CUX1: variants seen among roughly 807,000 people sequenced by gnomAD.
CUX1 encodes cut like homeobox 1.
In CUX1, 31 loss-of-function variants were observed where a neutral mutation model predicts 158.8. The observed-to-expected ratio is 0.20, with a 90% CI of 0.15 to 0.26. The LOEUF is 0.26. CUX1 is among the 10% of genes least tolerant of loss of function. The pLI, the probability that CUX1 is intolerant of heterozygous loss-of-function variation, is 1.00. For missense variants in CUX1, 1,589 were observed against 2,014.6 expected (o/e 0.79, Z 4.04); for synonymous variants, 879 against 862.1 (o/e 1.02, Z -0.34).
chr7:102,014,203 G>A (rs903667664), intron 2 of CUX1, among the ~76,000 whole-genome samples: 10 of 152,056 alleles, frequency 6.6e-5, no homozygotes, highest in Non-Finnish European at 4.4e-5. Flanking sequence ...CCTTCGAAGC[G>A]GGTTGCTGTT....
intron 2 of CUX1, among the ~76,000 whole-genome samples, chr7:101,927,193 A>T (rs1180207568): frequency 6.6e-6 from 1 of 151,728 alleles, no homozygotes; most frequent in African/African-American, 2.4e-5. Context: ...CTTTAGTGCA[A>T]ATTTTGAAAT....
intron 2 of CUX1, among the ~76,000 whole-genome samples, chr7:101,999,217 CTTTTTT>C (rs3988167): frequency 5.2e-4 from 45 of 85,840 alleles, no homozygotes; most frequent in Admixed American, 2.1e-3. Flanking sequence ...TTTTTTTTAC[CTTTTTT>C]TTTTTTTTTT....
At chr7:102,184,621 G>A (rs10251137) in intron 11 of CUX1, among the ~76,000 whole-genome samples, 4 of 152,164 alleles carry the variant, frequency 2.6e-5, no homozygotes, top group African/African-American at 7.2e-5. Context: ...TAAAGCCCAC[G>A]TGTGTTCCTT....
intron 4 of CUX1, among the ~76,000 whole-genome samples, chr7:102,090,521 G>A (rs533911625): frequency 6.6e-6 from 1 of 152,056 alleles, no homozygotes; most frequent in East Asian, 1.9e-4. Flanking sequence ...CCGAGTAGCT[G>A]GGACTACAGG....
At chr7:101,982,466 G>A (rs969877097) in intron 2 of CUX1, among the ~76,000 whole-genome samples, 13 of 150,936 alleles carry the variant, frequency 8.6e-5, no homozygotes, top group African/African-American at 1.2e-4. Flanking sequence ...TTGCTCTGTC[G>A]CCCAGGCTGG....
intron 8 of CUX1, among the ~76,000 whole-genome samples, chr7:102,130,716 A>G (rs1833120015): frequency 6.6e-6 from 1 of 152,154 alleles, no homozygotes; most frequent in Non-Finnish European, 1.5e-5. Flanking sequence ...AATCCTTGCT[A>G]TCCAAATAGC....
intron 1 of CUX1, among the ~76,000 whole-genome samples, chr7:101,908,461 T>C (rs1318156237): frequency 2.8e-5 from 4 of 144,774 alleles, no homozygotes; most frequent in African/African-American, 1.1e-4. Flanking sequence ...TTTGTTTGTT[T>C]GTTTGTTTGT....
At chr7:102,046,274 C>A (rs192489460) in intron 3 of CUX1, among the ~76,000 whole-genome samples, 12 of 152,300 alleles carry the variant, frequency 7.9e-5, no homozygotes, top group African/African-American at 2.9e-4. Context: ...GCTTTGTCAC[C>A]CAGGCTGGAG....
chr7:102,006,363 A>G (rs1359450218), intron 2 of CUX1, among the ~76,000 whole-genome samples: 1 of 151,990 alleles, frequency 6.6e-6, no homozygotes, highest in African/African-American at 2.4e-5. Flanking sequence ...GCCAGTTTTT[A>G]TCTCATCTCG....
chr7:102,168,665 A>C (rs1791323923), intron 9 of CUX1, among the ~76,000 whole-genome samples: 1 of 150,584 alleles, frequency 6.6e-6, no homozygotes, highest in Non-Finnish European at 1.5e-5. Context: ...AAAAAAAAAA[A>C]TCCTAATTTG....
chr7:102,000,216 C>A (rs1215316232), intron 2 of CUX1, among the ~76,000 whole-genome samples: 1 of 146,410 alleles, frequency 6.8e-6, no homozygotes. Flanking sequence ...AACTCTATCT[C>A]AAAAAAAAAA....
chr7:102,236,412 C>T (rs76322443), intron 22 of CUX1, among the ~76,000 whole-genome samples: 2,943 of 152,326 alleles, frequency 0.019, 111 homozygotes, highest in African/African-American at 0.067. Context: ...CCACATTGCC[C>T]CCCTAAAAGT....
intron 1 of CUX1, among the ~76,000 whole-genome samples, chr7:101,821,848 T>G (rs545845873): frequency 3.6e-3 from 423 of 116,212 alleles, no homozygotes; most frequent in Non-Finnish European, 6.4e-3. Flanking sequence ...CTAGTTTTTT[T>G]GTTTTTTTGT....
chr7:102,231,426 C>G (rs1201897701), intron 21 of CUX1, among the ~76,000 whole-genome samples: 1 of 151,860 alleles, frequency 6.6e-6, no homozygotes, highest in Non-Finnish European at 1.5e-5. Flanking sequence ...ACCATCATTG[C>G]TGGAGTTTTC....
At chr7:102,103,434 TCA>T (rs10570496) in intron 5 of CUX1, among the ~76,000 whole-genome samples, 40,483 of 104,956 alleles carry the variant, frequency 0.39, 5,653 homozygotes, top group Middle Eastern at 0.45. Flanking sequence ...TCTCTCTCTC[TCA>T]CTCACTCACT....
At chr7:101,838,031 G>A (rs1794822309) in intron 1 of CUX1, among the ~76,000 whole-genome samples, 1 of 151,478 alleles carries the variant, frequency 6.6e-6, no homozygotes, top group Non-Finnish European at 1.5e-5. Context: ...ATGCAAACTT[G>A]TAAAATATGT....
chr7:102,184,939 C>A (rs1160653087), intron 11 of CUX1, among the ~76,000 whole-genome samples: 1 of 152,194 alleles, frequency 6.6e-6, no homozygotes, highest in Non-Finnish European at 1.5e-5. Context: ...ACTCACTGCA[C>A]CCAGCCAGAC....
rs1554520030 is a variant in CUX1 at position 102,202,128 on chromosome 7, A to G, written c.2831A>G (p.Asp944Gly). The G allele has an allele frequency of 1.2e-6, 2 of 1,614,118 alleles. No individual in the cohort carries two copies. Among genetic ancestry groups the G allele is most frequent in the Middle Eastern group, 1.7e-4 (1 of 6,060 alleles). ...QYEVYMYQEV[D>G]TIELTRQVKE... ...GAGGTCTACATGTACCAGGAGGTGGACACCATCGAGCTCACCCGGCAGGTT... is the reference window on the plus strand; with the variant it reads ...GAGGTCTACATGTACCAGGAGGTGGGCACCATCGAGCTCACCCGGCAGGTT... Residue 944 changes from aspartate to glycine, a missense_variant, in exon 18 of 24, where the codon GAC (aspartate) becomes GGC (glycine). By Grantham distance (94) the Asp-to-Gly change is moderately conservative. Coordinates refer to ENST00000292535, the MANE Select transcript of CUX1 (RefSeq NM_181552.4).
rs1216273220 is a variant in CUX1 at position 102,255,942 on chromosome 7, C to T, written c.*6900C>T. ...ATTTTTCTTCATTTTAAAAAAATAA[C>T]GTATTGCACACCAAATGAACTCAAA... On this transcript the variant is annotated 3_prime_UTR_variant, in exon 24 of 24. Transcript: ENST00000292535. 2 of 985,188 alleles carry T rather than the reference C, an allele frequency of 2.0e-6. No homozygotes were observed. Among genetic ancestry groups the T allele is most frequent in the South Asian group, 4.7e-5 (1 of 21,292 alleles). The allele number at this position is 985,188 out of a possible 1,614,324, so 61.0% of individuals were successfully genotyped here. A position where few individuals can be genotyped will look rare whatever the true frequency, so the allele number is the denominator to read the frequency against.
Sources: allele counts gnomAD v4.1 joint callset (sites outside exome capture counted in the v4.1 genomes callset), GRCh38; gene constraint gnomAD v4.1.1; transcripts MANE v1.5; gene names NCBI Gene and HGNC (gene_info 2026-07-23, HGNC 2026-07-21).